Variants in CUBN observed in about 807,000 individuals in gnomAD.
CUBN encodes the protein cubilin.
A neutral mutation model predicts 405.3 loss-of-function variants in CUBN; 282 were observed. The observed-to-expected ratio is 0.70, with a 90% CI of 0.63 to 0.77. The LOEUF is 0.77. CUBN is among the 30% of genes least tolerant of loss of function. The pLI, the probability that CUBN is intolerant of heterozygous loss-of-function variation, is 0.00. For missense variants in CUBN, 4,514 were observed against 4,475.2 expected, an observed-to-expected ratio of 1.01 and a Z score of -0.25; for synonymous variants, 1,684 against 1,617.0, an observed-to-expected ratio of 1.04 and a Z score of -0.99.
At chr10:17,001,647 C>T (rs1324935464) in intron 28 of CUBN, among the ~76,000 whole-genome samples, 1 of 152,210 alleles carries the variant, frequency 6.6e-6, no homozygotes, top group South Asian at 2.1e-4. Flanking sequence ...ACATCAACAA[C>T]AGTAATAGTG....
chr10:16,881,899 A>G (rs1258668359), intron 56 of CUBN, among the ~76,000 whole-genome samples: 2 of 152,216 alleles, frequency 1.3e-5, no homozygotes, highest in African/African-American at 4.8e-5. Flanking sequence ...ATATCCCATC[A>G]CTGCATTAGA....
rs935376735 is a variant in CUBN at position 16,967,975 on chromosome 10, G to GAGAGAGAGAGAGGAAA, written c.4696-13443_4696-13428dup. ...AAAGAAAGAGGGACAGAAAGACAGG[G>GAGAGAGAGAGAGGAAA]AGAGAGAGAGAGGAAAAGAGAGAGA... is the stretch of plus-strand genomic sequence containing the variant. On this transcript the variant is annotated intron_variant, in intron 31 of 66. Coordinates refer to ENST00000377833, the MANE Select transcript of CUBN (RefSeq NM_001081.4). Among the ~76,000 whole-genome samples, 13 of 133,722 alleles carry GAGAGAGAGAGAGGAAA rather than the reference G, an allele frequency of 9.7e-5. No individual in the cohort carries two copies. In the East Asian group the frequency reaches 1.3e-3, roughly 13 times the overall value. The allele number at this position is 133,722 out of a possible 152,430, so 87.7% of individuals were successfully genotyped here. A position where few individuals can be genotyped will look rare whatever the true frequency, so the allele number is the denominator to read the frequency against.
At chr10:17,109,069 A>G (rs569303116) in intron 10 of CUBN, among the ~76,000 whole-genome samples, 87 of 152,332 alleles carry the variant, frequency 5.7e-4, no homozygotes, top group African/African-American at 2.0e-3. Flanking sequence ...GTAAATATGT[A>G]TTTTTATACA....
chr10:16,951,931 ATTAT>A (rs1842931955), intron 33 of CUBN, among the ~76,000 whole-genome samples: 1 of 152,130 alleles, frequency 6.6e-6, no homozygotes, highest in Admixed American at 6.5e-5. Flanking sequence ...CTATTTATCG[ATTAT>A]TTTGGTTTAC....
chr10:16,889,953 A>AAAAAAAAAAAAAAAAAAAAAAG lies in CUBN; in HGVS notation c.8755+417_8755+418insCTTTTTTTTTTTTTTTTTTTTT, dbSNP rs57009841. Reference sequence around the variant, plus strand: ...GCCGTGTCAAAAAAAAAAAAAAAAAACAGGAAAGACTTCGTCATGGAAATT... The same window carrying AAAAAAAAAAAAAAAAAAAAAAG: ...GCCGTGTCAAAAAAAAAAAAAAAAAAAAAAAAAAAAAAAAAAAAAAAGCAGGAAAGACTTCGTCATGGAAATT... On this transcript the variant is annotated intron_variant, in intron 55 of 66. Coordinates refer to ENST00000377833, the MANE Select transcript of CUBN (RefSeq NM_001081.4). 1.1e-3 allele frequency among the ~76,000 whole-genome samples: 129 copies of AAAAAAAAAAAAAAAAAAAAAAG among 118,002 alleles called. 24 individuals are homozygous for AAAAAAAAAAAAAAAAAAAAAAG. Among genetic ancestry groups the AAAAAAAAAAAAAAAAAAAAAAG allele is most frequent in the African/African-American group, 5.0e-3 (120 of 23,862 alleles). 77.4% of individuals were successfully genotyped at this position (118,002 alleles called of 152,430 possible).
At chr10:16,978,063 A>G (rs1292979919) in intron 31 of CUBN, among the ~76,000 whole-genome samples, 1 of 152,172 alleles carries the variant, frequency 6.6e-6, no homozygotes, top group African/African-American at 2.4e-5. Context: ...TCATTATTTC[A>G]TGGCTTCAGA....
intron 31 of CUBN, among the ~76,000 whole-genome samples, chr10:16,969,600 G>T (rs1389755030): frequency 1.3e-5 from 2 of 152,284 alleles, no homozygotes; most frequent in East Asian, 3.9e-4. Context: ...TGATCCGCCT[G>T]CCTTGGCATC....
At chr10:16,862,143 GTCTC>G (rs764285300) in intron 59 of CUBN, among the ~76,000 whole-genome samples, 4 of 121,382 alleles carry the variant, frequency 3.3e-5, no homozygotes, top group Admixed American at 9.1e-5. Context: ...GTGAGACTCC[GTCTC>G]TCTCTCTCTC....
chr10:16,975,928 C>A (rs548547618), intron 31 of CUBN, among the ~76,000 whole-genome samples: 1 of 151,456 alleles, frequency 6.6e-6, no homozygotes, highest in Admixed American at 6.6e-5. Flanking sequence ...CACGCCAGGC[C>A]AAGACCCTTC....
rs115686185 is a variant in CUBN at position 16,953,473 on chromosome 10, G to C, written c.4855+916C>G. On this transcript the variant is annotated intron_variant, in intron 32 of 66. Transcript: ENST00000377833. Reference sequence around the variant, plus strand: ...TACACAGACTAAATGTATTTGTAGTGAATGTTCTGAGTCATCTGAATACAA... The same window carrying C: ...TACACAGACTAAATGTATTTGTAGTCAATGTTCTGAGTCATCTGAATACAA... 4.4e-3 allele frequency among the ~76,000 whole-genome samples: 665 copies of C among 152,240 alleles called. 4 individuals are homozygous for C. Among genetic ancestry groups the C allele is most frequent in the African/African-American group, 0.014 (577 of 41,546 alleles).
At chr10:16,925,209 A>T in intron 43 of CUBN, 32 bp downstream of exon 43, 1 of 1,570,952 alleles carries the variant, frequency 6.4e-7, no homozygotes, top group Non-Finnish European at 8.8e-7. Context: ...ATTGCAGGAA[A>T]AGCAGATATA....
At chr10:16,948,633 G>A (rs140425035) in intron 34 of CUBN, 27 bp from the exon 35 acceptor site, 4 of 1,612,712 alleles carry the variant, frequency 2.5e-6, no homozygotes, top group Non-Finnish European at 3.4e-6. Context: ...ATGACAAGGA[G>A]AATGAATGAC....
intron 31 of CUBN, among the ~76,000 whole-genome samples, chr10:16,972,541 C>T (rs1272750668): frequency 1.3e-5 from 2 of 151,836 alleles, no homozygotes; most frequent in Non-Finnish European, 2.9e-5. Flanking sequence ...ATGCTCAAGC[C>T]ATCCTCCCAC....
In CUBN at chr10:17,024,484, AG is replaced by A. The variant is rs558311673; in HGVS notation, c.4018-4502del. 6.0e-3 allele frequency among the ~76,000 whole-genome samples: 917 copies of A among 152,296 alleles called. 7 individuals are homozygous for A. The highest frequency in any genetic ancestry group is 0.011 in the Non-Finnish European group (728 of 68,014). On this transcript the variant is annotated intron_variant, in intron 27 of 66. Coordinates refer to ENST00000377833, the MANE Select transcript of CUBN (RefSeq NM_001081.4). Reference sequence around the variant, plus strand: ...TCTTATATATATGAGCTTGGGATGTAGAGATTAACTTTTTTTCTTAACTATT... The same window carrying A: ...TCTTATATATATGAGCTTGGGATGTAAGATTAACTTTTTTTCTTAACTATT...
At chr10:17,098,492 G>A (rs1836426718) in intron 14 of CUBN, among the ~76,000 whole-genome samples, 1 of 152,202 alleles carries the variant, frequency 6.6e-6, no homozygotes, top group South Asian at 2.1e-4. Flanking sequence ...GAAATATTGA[G>A]CATTTCCCCA....
intron 34 of CUBN, among the ~76,000 whole-genome samples, chr10:16,948,902 G>A (rs1362254918): frequency 1.3e-5 from 2 of 152,104 alleles, no homozygotes; most frequent in African/African-American, 4.8e-5. Context: ...AAAATCTCCA[G>A]CCCAGTCGGA....
intron 63 of CUBN, 49 bp downstream of exon 63, chr10:16,836,186 G>A (rs1024154162): frequency 1.3e-5 from 19 of 1,498,558 alleles, no homozygotes; most frequent in Non-Finnish European, 1.8e-5. Context: ...TACGAATAAT[G>A]GTAATGATGG....
At chr10:16,943,952 G>C (rs1431711488) in intron 36 of CUBN, among the ~76,000 whole-genome samples, 1 of 152,196 alleles carries the variant, frequency 6.6e-6, no homozygotes, top group Non-Finnish European at 1.5e-5. Context: ...ATTATGCTTG[G>C]AAGTCTTTGC....
intron 59 of CUBN, among the ~76,000 whole-genome samples, chr10:16,854,854 T>C (rs536055931): frequency 2.0e-5 from 3 of 152,076 alleles, no homozygotes; most frequent in Admixed American, 6.6e-5. Context: ...CATCCTTAAA[T>C]CACTGATGTG....
Sources: allele counts gnomAD v4.1 joint callset (sites outside exome capture counted in the v4.1 genomes callset), GRCh38; gene constraint gnomAD v4.1.1; transcripts MANE v1.5; gene names NCBI Gene and HGNC (gene_info 2026-07-23, HGNC 2026-07-21).